Variants in SLC25A42 observed in about 807,000 individuals in gnomAD.
The protein encoded by SLC25A42 is solute carrier family 25 member 42, also known as mitochondrial coenzyme A transporter SLC25A42.
Under a neutral mutation model 34.7 loss-of-function variants are expected in SLC25A42, and 19 were observed. That is an observed-to-expected ratio of 0.55 (90% CI 0.38 to 0.80). The LOEUF is 0.80. Among genes scored for constraint, SLC25A42 ranks in the 30% least tolerant of loss-of-function variants. The probability of loss-of-function intolerance (pLI) is 0.00; values close to 1 mark genes in which losing one functional copy is unlikely to be tolerated. For synonymous variants in SLC25A42, 205 were observed against 191.2 expected, an observed-to-expected ratio of 1.07 and a Z score of -0.59; for missense variants, 364 against 441.3, an observed-to-expected ratio of 0.82 and a Z score of 1.57.
At chr19:19,064,527 C>T (rs1314475782) in intron 1 of SLC25A42, among the ~76,000 whole-genome samples, 1 of 148,994 alleles carries the variant, frequency 6.7e-6, no homozygotes, top group Non-Finnish European at 1.5e-5. Context: ...CACACCTGAG[C>T]CTGTGACTCC....
At chr19:19,065,368 A>C (rs2059596629) in intron 1 of SLC25A42, among the ~76,000 whole-genome samples, 1 of 152,184 alleles carries the variant, frequency 6.6e-6, no homozygotes, top group Non-Finnish European at 1.5e-5. Context: ...CTTTAGAGTG[A>C]GGCAAACTAA....
chr19:19,105,032 G>A, intron 4 of SLC25A42, 94 bp downstream of exon 4: 3 of 1,460,214 alleles, frequency 2.1e-6, no homozygotes, highest in Admixed American at 1.7e-5. Context: ...GAGAGTCTCA[G>A]GGGTGGGGAC....
chr19:19,110,510 G>T (rs918879940), intron 7 of SLC25A42, 59 bp from the exon 8 acceptor site: 1 of 1,352,558 alleles, frequency 7.4e-7, no homozygotes. Context: ...GCGCGCACGG[G>T]TGCGGGGTGC....
At position 19,110,659 on chromosome 19, in the gene SLC25A42, T is replaced by C; in HGVS notation, c.740T>C (p.Leu247Pro). Residue 247 changes from leucine to proline, a missense_variant, in exon 8 of 8, where the codon CTG (leucine) becomes CCG (proline). Leu to Pro is a moderately conservative substitution (Grantham distance 98). Transcript: ENST00000318596. Reference protein sequence around the residue: ...GLIGQSASYPLDVVRRRMQTA... With the variant: ...GLIGQSASYPPDVVRRRMQTA... Reference sequence around the variant, plus strand: ...ATCGGGCAGTCGGCCTCGTACCCGCTGGATGTGGTGCGGCGGCGCATGCAG... The same window carrying C: ...ATCGGGCAGTCGGCCTCGTACCCGCCGGATGTGGTGCGGCGGCGCATGCAG... The C allele has an allele frequency of 2.6e-6, 4 of 1,558,598 alleles. No homozygotes were observed. Among genetic ancestry groups the C allele is most frequent in the Non-Finnish European group, 3.5e-6 (4 of 1,152,528 alleles).
chr19:19,105,570 C>T lies in SLC25A42; in HGVS notation c.223C>T (p.Arg75Trp). ...SKRFSAKEAF[R>W]VLYYTYLNEG... ...TCCCGCTTATCTCCAGGAGGCCTTCCGGGTCCTCTACTACACCTACCTCAA... is the reference window on the plus strand; with the variant it reads ...TCCCGCTTATCTCCAGGAGGCCTTCTGGGTCCTCTACTACACCTACCTCAA... The change falls in exon 5 of 8, where the codon CGG (arginine) becomes TGG (tryptophan). Residue 75 changes from arginine (R) to tryptophan (W), a missense_variant. By Grantham distance (101) the Arg-to-Trp change is moderately radical. Transcript: ENST00000318596. 2 of 1,611,982 alleles carry T rather than the reference C, an allele frequency of 1.2e-6. No individual in the cohort carries two copies. Among genetic ancestry groups the T allele is most frequent in the Non-Finnish European group, 1.7e-6 (2 of 1,178,466 alleles).
At chr19:19,106,410 C>T in intron 6 of SLC25A42, 25 bp downstream of exon 6, 1 of 1,583,804 alleles carries the variant, frequency 6.3e-7, no homozygotes, top group Non-Finnish European at 8.6e-7. Context: ...CGGTGATGCG[C>T]ATCAGCCCCG....
At chr19:19,098,510 C>G (rs1051439318) in intron 2 of SLC25A42, among the ~76,000 whole-genome samples, 1 of 106,736 alleles carries the variant, frequency 9.4e-6, no homozygotes, top group African/African-American at 3.2e-5. Flanking sequence ...GTGGGAGGAT[C>G]ACCTGAGCCC....
chr19:19,105,250 A>C, intron 4 of SLC25A42: 1 of 574,678 alleles, frequency 1.7e-6, no homozygotes, highest in African/African-American at 1.9e-5. Flanking sequence ...TGGGATGCCA[A>C]ACACCAACAG....
At chr19:19,084,232 G>A (rs771010570) in intron 1 of SLC25A42, among the ~76,000 whole-genome samples, 6 of 152,116 alleles carry the variant, frequency 3.9e-5, no homozygotes, top group Admixed American at 6.6e-5. Context: ...CCCACCCAGC[G>A]TCCACCACAG....
intron 1 of SLC25A42, among the ~76,000 whole-genome samples, chr19:19,065,289 C>T (rs1005038679): frequency 1.3e-5 from 2 of 152,060 alleles, no homozygotes; most frequent in Admixed American, 1.3e-4. Flanking sequence ...GCTCCCAGCT[C>T]TTGCAGACCC....
Position 19,104,922 on chromosome 19 carries a change from A to G in SLC25A42, c.197A>G (p.Lys66Arg). The G allele has an allele frequency of 6.2e-7, 1 of 1,614,144 alleles. No homozygotes were observed. Among genetic ancestry groups the G allele is most frequent in the South Asian group, 1.1e-5 (1 of 91,082 alleles). Residue 66 changes from lysine (K) to arginine (R), a missense_variant, in exon 4 of 8, where the codon AAA (lysine) becomes AGA (arginine). Lys to Arg is a conservative substitution (Grantham distance 26). Transcript: ENST00000318596. ...RTKIIFQVSS[K>R]RFSAKEAFRV... ...CTTTTGTTTTTTCCAGTGTCTTCAA[A>G]AAGATTTTCTGCCAAGGTGAGCCAC...
chr19:19,068,968 G>A (rs963905577), intron 1 of SLC25A42, among the ~76,000 whole-genome samples: 1 of 147,012 alleles, frequency 6.8e-6, no homozygotes, highest in Non-Finnish European at 1.5e-5. Flanking sequence ...TGAGGCTGCA[G>A]TGAGCCATGG....
chr19:19,093,824 C>T (rs940982393), intron 1 of SLC25A42, among the ~76,000 whole-genome samples: 3 of 152,174 alleles, frequency 2.0e-5, no homozygotes, highest in Admixed American at 6.5e-5. Context: ...ATTACAGGTG[C>T]CTGCCACCAT....
At chr19:19,106,173 C>A in intron 5 of SLC25A42, 96 bp from the exon 6 acceptor site, 1 of 1,079,810 alleles carries the variant, frequency 9.3e-7, no homozygotes, top group Non-Finnish European at 1.4e-6. Context: ...ACCCCTGTCC[C>A]CGCCCCAGCA....
intron 1 of SLC25A42, among the ~76,000 whole-genome samples, chr19:19,087,651 C>T (rs1310937461): frequency 6.6e-6 from 1 of 152,222 alleles, no homozygotes; most frequent in Non-Finnish European, 1.5e-5. Flanking sequence ...TTTCTATTTC[C>T]ATCATTCCAT....
chr19:19,083,968 G>C (rs1370691473), intron 1 of SLC25A42, among the ~76,000 whole-genome samples: 1 of 145,584 alleles, frequency 6.9e-6, no homozygotes, highest in Non-Finnish European at 1.5e-5. Flanking sequence ...GCCCCTGCAG[G>C]CACCTTCAGG....
At chr19:19,078,077 TAG>T (rs903688404) in intron 1 of SLC25A42, among the ~76,000 whole-genome samples, 6 of 152,302 alleles carry the variant, frequency 3.9e-5, no homozygotes, top group Non-Finnish European at 7.3e-5. Context: ...GTTGTGTCCA[TAG>T]AGTGTGCTCA....
Position 19,106,296 on chromosome 19 carries a change from C to T in SLC25A42, c.408C>T (p.Phe136=), listed in dbSNP as rs773131878. ...GEALPPWPRL[F]AGALAGTTAA... ...CCCTGCCCCCTTGGCCTCGCCTCTT[C>T]GCCGGCGCACTGGCTGGAACGACAG... The change falls in exon 6 of 8, where the codon TTC becomes TTT. Residue 136 remains phenylalanine, a synonymous_variant. Transcript: ENST00000318596. 6 of 1,612,858 alleles carry T rather than the reference C, an allele frequency of 3.7e-6. No homozygotes were observed. Among genetic ancestry groups the T allele is most frequent in the South Asian group, 2.2e-5 (2 of 91,080 alleles).
intron 1 of SLC25A42, among the ~76,000 whole-genome samples, chr19:19,089,299 G>A (rs535615570): frequency 8.9e-4 from 136 of 152,074 alleles, no homozygotes; most frequent in Middle Eastern, 3.4e-3. Flanking sequence ...AGGCTGAGGC[G>A]GGCAGATCAT....
Sources: allele counts gnomAD v4.1 joint callset (sites outside exome capture counted in the v4.1 genomes callset), GRCh38; gene constraint gnomAD v4.1.1; transcripts MANE v1.5; gene names NCBI Gene and HGNC (gene_info 2026-07-23, HGNC 2026-07-21).